MYO3A: variants seen among roughly 807,000 people sequenced by gnomAD.
MYO3A encodes myosin IIIA, also known as myosin-IIIa.
MYO3A carries 180 observed loss-of-function variants against 192.7 expected under a neutral mutation model. That is an observed-to-expected ratio of 0.93 (90% CI 0.83 to 1.06). MYO3A has a LOEUF of 1.06. Among genes scored for constraint, MYO3A ranks in the 50% least tolerant of loss-of-function variants. The probability of loss-of-function intolerance (pLI) is 0.00; values close to 1 mark genes in which losing one functional copy is unlikely to be tolerated. For synonymous variants in MYO3A, 628 were observed against 645.3 expected (o/e 0.97, Z 0.41); for missense variants, 1,896 against 1,905.0 (o/e 1.00, Z 0.09).
chr10:25,968,093 G>A (rs1446699426), intron 4 of MYO3A, among the ~76,000 whole-genome samples: 3 of 152,074 alleles, frequency 2.0e-5, no homozygotes, highest in Non-Finnish European at 4.4e-5. Flanking sequence ...AATCACTCAA[G>A]TATGAGAAAG....
intron 6 of MYO3A, among the ~76,000 whole-genome samples, chr10:26,001,876 A>G (rs1840851860): frequency 6.6e-6 from 1 of 152,166 alleles, no homozygotes; most frequent in East Asian, 1.9e-4. Flanking sequence ...AACCCCAGCT[A>G]TTCAGGAGGC....
rs947928769 is a variant in MYO3A at position 26,040,470 on chromosome 10, G to T, written c.953+13938G>T. Among the ~76,000 whole-genome samples, 30 of 152,078 alleles carry T rather than the reference G, an allele frequency of 2.0e-4. 1 individual carries two copies. The highest frequency in any genetic ancestry group is 1.7e-3 in the Admixed American group (26 of 15,278). ...AGGATTTGACATTTTCAGCAATTGA[G>T]AATTACTATATTTTGTAAATGAAAG... is the stretch of plus-strand genomic sequence containing the variant. On this transcript the variant is annotated intron_variant, in intron 10 of 34. Coordinates refer to ENST00000642920, the MANE Select transcript of MYO3A (RefSeq NM_017433.5).
intron 14 of MYO3A, among the ~76,000 whole-genome samples, chr10:26,082,922 CTT>C (rs1425661208): frequency 1.3e-5 from 2 of 152,140 alleles, no homozygotes; most frequent in African/African-American, 4.8e-5. Context: ...GCCTTTTAAT[CTT>C]AACTGAGTAC....
At chr10:26,034,205 A>G (rs1301314682) in intron 10 of MYO3A, among the ~76,000 whole-genome samples, 1 of 152,226 alleles carries the variant, frequency 6.6e-6, no homozygotes, top group East Asian at 1.9e-4. Context: ...ACTTTAAAAT[A>G]TGGTATTTTT....
chr10:26,135,548 C>A (rs1355048605), intron 20 of MYO3A, among the ~76,000 whole-genome samples: 1 of 151,860 alleles, frequency 6.6e-6, no homozygotes. Flanking sequence ...CAGCTGGAGA[C>A]CCCTCACAGG....
chr10:26,023,694 C>T (rs1842418003), intron 8 of MYO3A, among the ~76,000 whole-genome samples: 1 of 152,154 alleles, frequency 6.6e-6, no homozygotes. Context: ...GAAAAAAATA[C>T]CTTTCCCCAG....
chr10:26,055,018 AC>A (rs1313522590), intron 10 of MYO3A, among the ~76,000 whole-genome samples: 3 of 152,194 alleles, frequency 2.0e-5, no homozygotes, highest in Admixed American at 6.5e-5. Flanking sequence ...TGGAAAGCTG[AC>A]CCTGGTGTGC....
chr10:26,166,224 G>A (rs142382495), intron 27 of MYO3A, 46 bp downstream of exon 27: 1 of 1,420,518 alleles, frequency 7.0e-7, no homozygotes, highest in East Asian at 2.3e-5. Context: ...ATTATGCTGG[G>A]TTCACTGAGA....
At chr10:26,120,854 A>T in intron 18 of MYO3A, 52 bp downstream of exon 18, 1 of 1,600,304 alleles carries the variant, frequency 6.2e-7, no homozygotes, top group Non-Finnish European at 8.6e-7. Flanking sequence ...ATCTTATGAC[A>T]TACCATAAGT....
At chr10:26,019,412 A>C (rs138893794) in intron 7 of MYO3A, among the ~76,000 whole-genome samples, 10,040 of 151,962 alleles carry the variant, frequency 0.066, 411 homozygotes, top group Non-Finnish European at 0.094. Context: ...GCGCCTGCCA[A>C]CACGCCTGGC....
chr10:25,973,163 A>G (rs1838763468), intron 4 of MYO3A, among the ~76,000 whole-genome samples: 1 of 152,106 alleles, frequency 6.6e-6, no homozygotes, highest in Non-Finnish European at 1.5e-5. Flanking sequence ...TTCCTTGAGC[A>G]GTGGTTTATA....
At chr10:25,952,503 G>T (rs149182434) in intron 3 of MYO3A, among the ~76,000 whole-genome samples, 5 of 152,172 alleles carry the variant, frequency 3.3e-5, no homozygotes, top group African/African-American at 1.2e-4. Flanking sequence ...GCATAAGCAC[G>T]CAAAAATGCA....
At chr10:26,123,511 T>C (rs1039453306) in intron 18 of MYO3A, among the ~76,000 whole-genome samples, 2 of 152,246 alleles carry the variant, frequency 1.3e-5, no homozygotes, top group African/African-American at 4.8e-5. Context: ...TCAAATTGGC[T>C]ATTTTAGAAA....
At chr10:26,105,700 T>C (rs1219932332) in intron 17 of MYO3A, among the ~76,000 whole-genome samples, 2 of 152,132 alleles carry the variant, frequency 1.3e-5, no homozygotes, top group Admixed American at 6.5e-5. Flanking sequence ...GTTCTAAATT[T>C]TCGTTTATTC....
At chr10:25,959,689 A>G (rs1361336555) in intron 4 of MYO3A, among the ~76,000 whole-genome samples, 1 of 151,844 alleles carries the variant, frequency 6.6e-6, no homozygotes, top group Non-Finnish European at 1.5e-5. Context: ...TGTTTGGCTC[A>G]TCATGTAGTA....
In MYO3A at chr10:25,975,248, A is replaced by C. The variant is rs182029363; in HGVS notation, c.303+20240A>C. ...CAGAGGACAGGAAGGCCCTCAGTGC[A>C]TGCAGCCTCAGAAGACTGGCCAGAA... On this transcript the variant is annotated intron_variant, in intron 4 of 34. Coordinates refer to ENST00000642920, the MANE Select transcript of MYO3A (RefSeq NM_017433.5). 5.3e-5 allele frequency among the ~76,000 whole-genome samples: 8 copies of C among 152,352 alleles called. No homozygotes were observed. The East Asian group carries it at 1.3e-3, about 26-fold the overall frequency.
chr10:26,124,990 T>C (rs1417131590), intron 18 of MYO3A, among the ~76,000 whole-genome samples: 1 of 152,232 alleles, frequency 6.6e-6, no homozygotes. Context: ...CTAAGTAACC[T>C]GTTCCAGTTA....
intron 4 of MYO3A, among the ~76,000 whole-genome samples, chr10:25,982,927 G>T (rs1396414621): frequency 1.3e-5 from 2 of 152,038 alleles, no homozygotes; most frequent in African/African-American, 4.8e-5. Flanking sequence ...CACGAGCAAT[G>T]AACCCAAACC....
intron 4 of MYO3A, among the ~76,000 whole-genome samples, chr10:25,971,364 T>A (rs1453025066): frequency 6.6e-6 from 1 of 152,164 alleles, no homozygotes; most frequent in Non-Finnish European, 1.5e-5. Flanking sequence ...TTTAAATAAG[T>A]TAAGAGAAAA....
Sources: allele counts gnomAD v4.1 joint callset (sites outside exome capture counted in the v4.1 genomes callset), GRCh38; gene constraint gnomAD v4.1.1; transcripts MANE v1.5; gene names NCBI Gene and HGNC (gene_info 2026-07-23, HGNC 2026-07-21).